Variants in KIFAP3 observed in about 807,000 individuals in gnomAD.
The protein encoded by KIFAP3 is kinesin associated protein 3, also known as kinesin-associated protein 3.
A neutral mutation model predicts 106.5 loss-of-function variants in KIFAP3; 68 were observed. The observed-to-expected ratio is 0.64, with a 90% confidence interval of 0.53 to 0.78. KIFAP3 has a LOEUF of 0.78. Ranked by LOEUF, KIFAP3 falls within the 30% of genes least tolerant of loss-of-function variation. The probability of loss-of-function intolerance (pLI) is 0.00; values close to 1 mark genes in which losing one functional copy is unlikely to be tolerated. For missense variants in KIFAP3, 780 were observed against 941.8 expected (o/e 0.83, Z 2.25); for synonymous variants, 320 against 311.5 (o/e 1.03, Z -0.29).
intron 3 of KIFAP3, chr1:170,041,662 C>T (rs1000351032): frequency 6.5e-7 from 1 of 1,530,558 alleles, no homozygotes; most frequent in Non-Finnish European, 8.8e-7. Flanking sequence ...CCCTTGCCAG[C>T]AAGGCATTAC....
Position 170,031,937 on chromosome 1 carries a change from T to A in KIFAP3, c.790A>T (p.Thr264Ser), listed in dbSNP as rs756565122. Residue 264 changes from threonine (T) to serine (S), a missense_variant, in exon 8 of 20, where the codon ACC (threonine) becomes TCC (serine). Thr to Ser is a moderately conservative substitution (Grantham distance 58). Coordinates refer to ENST00000361580, the MANE Select transcript of KIFAP3 (RefSeq NM_014970.4). ...ACAAGCCCCTGGTACTTTTTAAAGG[T>A]TTTTTCATAATCCTTTCTCAAGGTT... ...NQTLRKDYEK[T>S]FKKYQGLVVK... 5 of 1,610,958 alleles carry A rather than the reference T, an allele frequency of 3.1e-6. No individual in the cohort carries two copies. In the Admixed American group the frequency reaches 8.3e-5, roughly 27 times the overall value.
chr1:169,944,018 G>C (rs1187554228), intron 19 of KIFAP3, among the ~76,000 whole-genome samples: 1 of 152,212 alleles, frequency 6.6e-6, no homozygotes, highest in Non-Finnish European at 1.5e-5. Flanking sequence ...TCCTTGGGGT[G>C]TTGCTTTGCC....
At chr1:170,042,235 G>A (rs1670019141) in intron 3 of KIFAP3, among the ~76,000 whole-genome samples, 1 of 152,094 alleles carries the variant, frequency 6.6e-6, no homozygotes, top group African/African-American at 2.4e-5. Context: ...GCAAAACTGG[G>A]CAGCTTTCAC....
At chr1:169,983,161 AT>A (rs939770766) in intron 13 of KIFAP3, 108 bp downstream of exon 13, 1 of 687,170 alleles carries the variant, frequency 1.5e-6, no homozygotes, top group African/African-American at 1.8e-5. Context: ...CATAAGAGCA[AT>A]TTGGATTATA....
chr1:170,049,086 T>C (rs1378622684), intron 2 of KIFAP3, among the ~76,000 whole-genome samples: 1 of 152,240 alleles, frequency 6.6e-6, no homozygotes, highest in African/African-American at 2.4e-5. Context: ...CTTGAAATTC[T>C]CACTGCCAGC....
chr1:170,032,047 TA>T (rs1420992030), intron 7 of KIFAP3, 63 bp from the exon 8 acceptor site: 1 of 884,464 alleles, frequency 1.1e-6, no homozygotes, highest in African/African-American at 1.7e-5. Flanking sequence ...TGATAAATTC[TA>T]TGAACAATGG....
chr1:169,978,251 G>A, intron 15 of KIFAP3, 68 bp from the exon 16 acceptor site: 4 of 1,021,184 alleles, frequency 3.9e-6, no homozygotes, highest in South Asian at 2.8e-5. Context: ...ATAATTGAGG[G>A]GAATAATATA....
chr1:170,002,199 T>C (rs766955830), intron 10 of KIFAP3, among the ~76,000 whole-genome samples: 7 of 152,188 alleles, frequency 4.6e-5, no homozygotes, highest in Non-Finnish European at 8.8e-5. Flanking sequence ...TACATGCTGA[T>C]GAAACTGTTC....
At chr1:169,963,102 C>T (rs979796380) in intron 17 of KIFAP3, among the ~76,000 whole-genome samples, 5 of 152,148 alleles carry the variant, frequency 3.3e-5, no homozygotes, top group Non-Finnish European at 5.9e-5. Context: ...ACTCTCCTCC[C>T]ACCCTCTACC....
chr1:169,928,723 T>TAAAAAAA (rs1258694998), intron 19 of KIFAP3, among the ~76,000 whole-genome samples: 79 of 65,324 alleles, frequency 1.2e-3, no homozygotes, highest in African/African-American at 3.0e-3. Flanking sequence ...AAAAAAAAAT[T>TAAAAAAA]AAAGTTATAC....
At chr1:170,080,941 CTT>C (rs1353674028) in intron 1 of KIFAP3, among the ~76,000 whole-genome samples, 1 of 152,126 alleles carries the variant, frequency 6.6e-6, no homozygotes, top group Non-Finnish European at 1.5e-5. Context: ...AGTTTACTCT[CTT>C]CCATTTTTAA....
At chr1:169,983,641 T>G (rs573843407) in intron 12 of KIFAP3, among the ~76,000 whole-genome samples, 1 of 152,012 alleles carries the variant, frequency 6.6e-6, no homozygotes, top group African/African-American at 2.4e-5. Flanking sequence ...CCCTGTCTCA[T>G]TTTTAAACAT....
chr1:169,926,245 T>C (rs2101767214), intron 19 of KIFAP3, among the ~76,000 whole-genome samples: 1 of 152,320 alleles, frequency 6.6e-6, no homozygotes, highest in Admixed American at 6.5e-5. Flanking sequence ...AGTCTTAGAA[T>C]TACCCTCTGA....
intron 1 of KIFAP3, among the ~76,000 whole-genome samples, chr1:170,060,718 A>G (rs1444352202): frequency 1.3e-5 from 2 of 152,198 alleles, no homozygotes; most frequent in Non-Finnish European, 1.5e-5. Flanking sequence ...TCCTAAGCCA[A>G]AAGAACAAAG....
Position 170,031,948 on chromosome 1 carries a change from T to C in KIFAP3, c.779A>G (p.Asp260Gly), listed in dbSNP as rs757877982. Residue 260 changes from aspartate (D) to glycine (G), a missense_variant, in exon 8 of 20, where the codon GAT (aspartate) becomes GGT (glycine). Physicochemically the swap from Asp to Gly is moderately conservative, Grantham distance 94 (BLOSUM62 -1). Transcript: ENST00000361580. Reference sequence around the variant, plus strand: ...GTACTTTTTAAAGGTTTTTTCATAATCCTTTCTCAAGGTTTGGTTTTCAGG... The same window carrying C: ...GTACTTTTTAAAGGTTTTTTCATAACCCTTTCTCAAGGTTTGGTTTTCAGG... ...EDPENQTLRK[D>G]YEKTFKKYQG... is the part of the protein sequence containing the mutation. The C allele has an allele frequency of 2.5e-6, 4 of 1,610,886 alleles. No homozygotes were observed.
Position 169,966,189 on chromosome 1 carries a change from CA to C in KIFAP3, c.1984-4955del, listed in dbSNP as rs1207198856. On this transcript the variant is annotated intron_variant, in intron 17 of 19. Transcript: ENST00000361580. ...ACTAATTAACATGCATTATTGTTTA[CA>C]GGATCACAGTAAAAATACCACGGTT... Among the ~76,000 whole-genome samples, 3 of 151,750 alleles carry C rather than the reference CA, an allele frequency of 2.0e-5. No homozygotes were observed. In the East Asian group the frequency reaches 5.8e-4, roughly 29 times the overall value.
intron 2 of KIFAP3, among the ~76,000 whole-genome samples, chr1:170,055,102 A>G (rs963380927): frequency 6.6e-6 from 1 of 152,212 alleles, no homozygotes; most frequent in African/African-American, 2.4e-5. Context: ...ACAGGTTCCT[A>G]TTAAGCTTAC....
intron 10 of KIFAP3, among the ~76,000 whole-genome samples, chr1:170,005,756 T>G (rs963947259): frequency 2.0e-5 from 3 of 149,454 alleles, no homozygotes. Flanking sequence ...TACCTAATGC[T>G]AAATGACGAG....
At chr1:169,989,586 T>C (rs1169768041) in intron 11 of KIFAP3, among the ~76,000 whole-genome samples, 5 of 152,096 alleles carry the variant, frequency 3.3e-5, no homozygotes, top group Admixed American at 6.6e-5. Flanking sequence ...AAAACTTGTT[T>C]GACAAAGAGT....
Sources: gnomAD v4.1 joint callset for allele counts (sites outside exome capture counted in the v4.1 genomes callset) on GRCh38, gnomAD v4.1.1 for gene constraint, MANE v1.5 for transcripts, NCBI Gene and HGNC (gene_info 2026-07-23, HGNC 2026-07-21) for gene names.